HIPK2: variants seen among roughly 807,000 people sequenced by gnomAD.
HIPK2 encodes homeodomain-interacting protein kinase 2.
A neutral mutation model predicts 113.7 loss-of-function variants in HIPK2; 27 were observed. The observed-to-expected ratio is 0.24, with a 90% CI of 0.17 to 0.33. The LOEUF is 0.33. HIPK2 is among the 10% of genes least tolerant of loss of function. The pLI, the probability that HIPK2 is intolerant of heterozygous loss-of-function variation, is 1.00. For synonymous variants in HIPK2, 631 were observed against 642.2 expected (o/e 0.98, Z 0.26); for missense variants, 1,257 against 1,588.0 (o/e 0.79, Z 3.54).
chr7:139,716,862 G>A lies in HIPK2; in HGVS notation c.173C>T (p.Pro58Leu), dbSNP rs745656889. ...GGTTGTGGTGGCTGGCTGCGACAGG[G>A]GGATGTTCTTGCTCTGGCTATACAC... ...SKVYSQSKNIPLSQPATTTVS... is the reference protein window; with the variant it reads ...SKVYSQSKNILLSQPATTTVS... Residue 58 changes from proline to leucine, a missense_variant, in exon 2 of 15, where the codon CCC becomes CTC. Pro to Leu is a moderately conservative substitution (Grantham distance 98). Coordinates refer to ENST00000406875, the MANE Select transcript of HIPK2 (RefSeq NM_022740.5). The surrounding 1 kb of genome is among the most constrained non-coding windows in gnomAD (Gnocchi z 9.3). 1.2e-6 allele frequency: 2 copies of A among 1,613,720 alleles called. No individual in the cohort carries two copies. The highest frequency in any genetic ancestry group is 1.3e-5 in the African/African-American group (1 of 74,844).
rs1171891790 is a variant in HIPK2 at position 139,737,290 on chromosome 7, G to T, written c.20-20275C>A. 7.9e-5 allele frequency among the ~76,000 whole-genome samples: 12 copies of T among 152,140 alleles called. 1 individual carries two copies. The highest frequency in any genetic ancestry group is 7.9e-4 in the Admixed American group (12 of 15,278). On this transcript the variant is annotated intron_variant, in intron 1 of 14. Transcript: ENST00000406875. ...ACTTGAAATATAGGAAAGGATACAAGAATAATAAGCCCGTTGATTTCTTGT... is the reference window on the plus strand; with the variant it reads ...ACTTGAAATATAGGAAAGGATACAATAATAATAAGCCCGTTGATTTCTTGT...
chr7:139,766,455 C>T (rs1199659918), intron 1 of HIPK2, among the ~76,000 whole-genome samples: 1 of 152,206 alleles, frequency 6.6e-6, no homozygotes, highest in Non-Finnish European at 1.5e-5. Context: ...ACATTCACCA[C>T]CTCACTTGAC....
chr7:139,575,414 C>G (rs1403000755), intron 13 of HIPK2, 126 bp from the exon 14 acceptor site: 2 of 1,113,432 alleles, frequency 1.8e-6, no homozygotes, highest in Admixed American at 2.7e-5. Flanking sequence ...AGTAACAAAT[C>G]AGCCTCATCT....
In HIPK2 at chr7:139,619,354, G is replaced by T. The variant is rs77700384; in HGVS notation, c.1782+1047C>A. ...AAAATCTGGGGGCCCTTCTTTAGGG[G>T]AACTAGGAGGATTGAAAGATGGGAG... On this transcript the variant is annotated intron_variant, in intron 7 of 14. Coordinates refer to ENST00000406875, the MANE Select transcript of HIPK2 (RefSeq NM_022740.5). Among the ~76,000 whole-genome samples, 642 of 152,300 alleles carry T rather than the reference G, an allele frequency of 4.2e-3. 11 individuals are homozygous for T. Among genetic ancestry groups the T allele is most frequent in the African/African-American group, 0.015 (631 of 41,562 alleles).
intron 2 of HIPK2, among the ~76,000 whole-genome samples, chr7:139,641,130 C>T (rs541680024): frequency 1.1e-3 from 166 of 152,170 alleles, no homozygotes; most frequent in Non-Finnish European, 1.8e-3. Context: ...TTTGGGAGGC[C>T]GAGGTAGGTG....
At chr7:139,669,262 T>C (rs889509343) in intron 2 of HIPK2, among the ~76,000 whole-genome samples, 3 of 152,310 alleles carry the variant, frequency 2.0e-5, no homozygotes, top group East Asian at 1.9e-4. Context: ...TTTTAAGTCA[T>C]TTCAAAGGAT....
At chr7:139,769,629 C>T (rs1433020085) in intron 1 of HIPK2, among the ~76,000 whole-genome samples, 1 of 152,216 alleles carries the variant, frequency 6.6e-6, no homozygotes, top group African/African-American at 2.4e-5. Flanking sequence ...CAGAGCTTTG[C>T]CTATTGCTGT....
intron 13 of HIPK2, among the ~76,000 whole-genome samples, chr7:139,582,513 A>G (rs1798701135): frequency 6.6e-6 from 1 of 152,262 alleles, no homozygotes; most frequent in Non-Finnish European, 1.5e-5. Flanking sequence ...TGTTGGGGAC[A>G]GACCAGGACT....
At position 139,775,002 on chromosome 7, in the gene HIPK2, C is replaced by T. The variant is rs149530646; in HGVS notation, c.19+2603G>A. On this transcript the variant is annotated intron_variant, in intron 1 of 14. Coordinates refer to ENST00000406875, the MANE Select transcript of HIPK2 (RefSeq NM_022740.5). ...TCAAAAACAGCATTTCTGTCTAAAT[C>T]TCTGGCGGTTCAGAACGCTCCATTA... is the stretch of plus-strand genomic sequence containing the variant. Among the ~76,000 whole-genome samples the T allele has an allele frequency of 4.1e-3, 630 of 152,332 alleles. 3 individuals carry two copies. The highest frequency in any genetic ancestry group is 0.014 in the African/African-American group (582 of 41,582).
intron 7 of HIPK2, 143 bp from the exon 8 acceptor site, chr7:139,614,636 C>G: frequency 1.9e-6 from 1 of 535,936 alleles, no homozygotes; most frequent in East Asian, 3.5e-5. Context: ...AAGGCAAAAG[C>G]AGAGAGGAGT....
At chr7:139,742,609 T>A (rs954131317) in intron 1 of HIPK2, among the ~76,000 whole-genome samples, 1 of 152,152 alleles carries the variant, frequency 6.6e-6, no homozygotes, top group East Asian at 1.9e-4. Context: ...GCTCTAACAA[T>A]GGGTAATTTT....
chr7:139,696,797 C>G (rs923006243), intron 2 of HIPK2, among the ~76,000 whole-genome samples: 1 of 152,160 alleles, frequency 6.6e-6, no homozygotes, highest in African/African-American at 2.4e-5. Flanking sequence ...CGTCAACACT[C>G]AGAGGTGACA....
In HIPK2 at chr7:139,683,349, C is replaced by G. The variant is rs1794112869; in HGVS notation, c.1103+32583G>C. ...CTCTAGGCCAGTGCTTCAGCAGCGG[C>G]CTAGCCGGGTCTGGTGCAGGGTCCC... On this transcript the variant is annotated intron_variant, in intron 2 of 14. Transcript: ENST00000406875. The surrounding 1 kb of genome is among the most constrained non-coding windows in gnomAD (Gnocchi z 4.2). 6.6e-6 allele frequency among the ~76,000 whole-genome samples: 1 copy of G among 152,188 alleles called. No homozygotes were observed. The highest frequency in any genetic ancestry group is 2.1e-4 in the South Asian group (1 of 4,830).
At chr7:139,708,581 A>G (rs897967633) in intron 2 of HIPK2, among the ~76,000 whole-genome samples, 3 of 152,138 alleles carry the variant, frequency 2.0e-5, no homozygotes, top group Admixed American at 1.3e-4. Flanking sequence ...CAGGTTAGAG[A>G]CATGTATTTG....
rs1794124691 is a variant in HIPK2 at position 139,683,629 on chromosome 7, G to A, written c.1103+32303C>T. Among the ~76,000 whole-genome samples the A allele has an allele frequency of 6.6e-6, 1 of 152,192 alleles. No individual in the cohort carries two copies. Among genetic ancestry groups the A allele is most frequent in the Admixed American group, 6.5e-5 (1 of 15,282 alleles). ...AGACCAATCCTGGTGAATACCAGGA[G>A]GTGAGGGTCATTAGGGGCCTTCCTG... On this transcript the variant is annotated intron_variant, in intron 2 of 14. Transcript: ENST00000406875. The surrounding 1 kb of genome is among the most constrained non-coding windows in gnomAD (Gnocchi z 4.2).
Position 139,573,273 on chromosome 7 carries a change from T to G in HIPK2, c.3251A>C (p.His1084Pro), listed in dbSNP as rs1585224313. ...PHNSPSHGTV[H>P]PHLAAAAAAA... ...GGCAGCGGCTGCAGCCAGATGCGGGTGCACAGTGCCGTGGCTGGGGCTGTT... is the reference window on the plus strand; with the variant it reads ...GGCAGCGGCTGCAGCCAGATGCGGGGGCACAGTGCCGTGGCTGGGGCTGTT... Residue 1084 changes from histidine to proline, a missense_variant, in exon 15 of 15, where the codon CAC becomes CCC. Coordinates refer to ENST00000406875, the MANE Select transcript of HIPK2 (RefSeq NM_022740.5). 6.2e-7 allele frequency: 1 copy of G among 1,604,416 alleles called. No homozygotes were observed. Among genetic ancestry groups the G allele is most frequent in the South Asian group, 1.1e-5 (1 of 91,016 alleles).
chr7:139,632,154 T>C (rs1800639620), intron 2 of HIPK2, among the ~76,000 whole-genome samples: 1 of 152,224 alleles, frequency 6.6e-6, no homozygotes, highest in Non-Finnish European at 1.5e-5. Context: ...CTTCTGTCTA[T>C]CTAGAGATGG....
rs1799374669 is a variant in HIPK2, at chr7:139,600,314, C to T, written c.2435+103G>A. ...AGAGGAGTGCCCCCATCCCATGCAA[C>T]TGTCCCATGTTCAGAGTGGGTGCTG... On this transcript the variant is annotated intron_variant, in intron 11 of 14. Coordinates refer to ENST00000406875, the MANE Select transcript of HIPK2 (RefSeq NM_022740.5). 6 of 1,312,186 alleles carry T rather than the reference C, an allele frequency of 4.6e-6. No individual in the cohort carries two copies. In the South Asian group the frequency reaches 7.3e-5, roughly 16 times the overall value. The allele number at this position is 1,312,186 out of a possible 1,614,324, so 81.3% of individuals were successfully genotyped here.
Position 139,613,075 on chromosome 7 carries a change from T to TA in HIPK2, c.2112+126dup, listed in dbSNP as rs1799893354. The TA allele has an allele frequency of 8.9e-7, 1 of 1,126,546 alleles. No homozygotes were observed. Among genetic ancestry groups the TA allele is most frequent in the South Asian group, 1.6e-5 (1 of 63,254 alleles). 69.8% of individuals were successfully genotyped at this position (1,126,546 alleles called of 1,614,324 possible). A position where few individuals can be genotyped will look rare whatever the true frequency, so the allele number is the denominator to read the frequency against. On this transcript the variant is annotated intron_variant, in intron 9 of 14. Coordinates refer to ENST00000406875, the MANE Select transcript of HIPK2 (RefSeq NM_022740.5). This position sits in a 1 kb window ranked among gnomAD's most constrained non-coding sequence, Gnocchi z 4.2. ...TGGGGACCATTTAGAATATTACAGA[T>TA]ACATTCCAATGACTAGAAGCACCTA...
Sources: allele counts gnomAD v4.1 joint callset (sites outside exome capture counted in the v4.1 genomes callset), GRCh38; gene constraint gnomAD v4.1.1; non-coding constraint Gnocchi (gnomAD v3.1); transcripts MANE v1.5; gene names NCBI Gene and HGNC (gene_info 2026-07-23, HGNC 2026-07-21).